CCNJL: variants seen among roughly 807,000 people sequenced by gnomAD.
CCNJL encodes the protein cyclin-J-like protein.
CCNJL carries 33 observed loss-of-function variants against 33.4 expected under a neutral mutation model. The ratio of observed to expected loss-of-function variants is 0.99; its 90% confidence interval spans 0.75 to 1.32. The LOEUF (loss-of-function observed/expected upper bound fraction) is 1.32, where lower values mean the gene tolerates loss of function less well. CCNJL is among the 40% of genes most tolerant of loss of function. The probability of loss-of-function intolerance (pLI) is 0.00; values close to 1 mark genes in which losing one functional copy is unlikely to be tolerated. For synonymous variants in CCNJL, 227 were observed against 220.9 expected, an observed-to-expected ratio of 1.03 and a Z score of -0.24; for missense variants, 512 against 499.7, an observed-to-expected ratio of 1.02 and a Z score of -0.23.
At chr5:160,256,914 T>C (rs1761089467) in intron 4 of CCNJL, among the ~76,000 whole-genome samples, 1 of 150,108 alleles carries the variant, frequency 6.7e-6, no homozygotes, top group Non-Finnish European at 1.5e-5. Context: ...CAAGACTTCA[T>C]CTCAAAAAAA....
intron 2 of CCNJL, among the ~76,000 whole-genome samples, chr5:160,282,333 GT>G (rs201342356): frequency 0.076 from 11,571 of 152,168 alleles, 1,427 homozygotes; most frequent in African/African-American, 0.26. Context: ...AGACATAAAC[GT>G]TAAGACTTAC....
chr5:160,311,836 A>G (rs751547506), intron 2 of CCNJL, 22 bp downstream of exon 2: 2 of 1,610,676 alleles, frequency 1.2e-6, no homozygotes, highest in South Asian at 2.2e-5. Flanking sequence ...CTTGAGAGTG[A>G]CAAGGGCAGG....
chr5:160,254,527 G>A (rs1760967685), intron 5 of CCNJL: 2 of 433,664 alleles, frequency 4.6e-6, no homozygotes. Flanking sequence ...GATAAAGACA[G>A]CTGCCAGCAA....
chr5:160,257,413 T>C (rs1460271263), intron 4 of CCNJL, among the ~76,000 whole-genome samples: 2 of 151,926 alleles, frequency 1.3e-5, no homozygotes, highest in Non-Finnish European at 2.9e-5. Flanking sequence ...AGGCGGAGCT[T>C]GCAGTGAGCC....
chr5:160,269,026 G>A (rs114989908), intron 3 of CCNJL, among the ~76,000 whole-genome samples: 75 of 152,388 alleles, frequency 4.9e-4, no homozygotes, highest in Middle Eastern at 6.8e-3. Flanking sequence ...ATTTCTGACA[G>A]GCTGAATCAA....
At chr5:160,299,555 G>A (rs1762859335) in intron 2 of CCNJL, among the ~76,000 whole-genome samples, 1 of 151,524 alleles carries the variant, frequency 6.6e-6, no homozygotes, top group Non-Finnish European at 1.5e-5. Flanking sequence ...GACAACAGAA[G>A]ATATTAATGA....
At chr5:160,268,808 T>G (rs1453479159) in intron 3 of CCNJL, among the ~76,000 whole-genome samples, 1 of 152,162 alleles carries the variant, frequency 6.6e-6, no homozygotes, top group Non-Finnish European at 1.5e-5. Flanking sequence ...GCTTCCAAAG[T>G]CCGCTGGGTA....
At chr5:160,318,171 C>A (rs1208646133) in intron 1 of CCNJL, among the ~76,000 whole-genome samples, 1 of 152,184 alleles carries the variant, frequency 6.6e-6, no homozygotes, top group Non-Finnish European at 1.5e-5. Context: ...CACGCACCAC[C>A]ATGCCTGGCT....
intron 1 of CCNJL, among the ~76,000 whole-genome samples, chr5:160,333,700 A>G (rs1455096053): frequency 2.6e-5 from 4 of 151,966 alleles, no homozygotes; most frequent in African/African-American, 9.7e-5. Flanking sequence ...TTGTACCAAG[A>G]GGACCAAGCG....
At chr5:160,305,713 C>A (rs1763073928) in intron 2 of CCNJL, among the ~76,000 whole-genome samples, 1 of 152,166 alleles carries the variant, frequency 6.6e-6, no homozygotes, top group Non-Finnish European at 1.5e-5. Context: ...TTGATACAAT[C>A]CGCGGTTTCA....
intron 2 of CCNJL, among the ~76,000 whole-genome samples, chr5:160,287,711 C>A (rs1368297866): frequency 3.9e-5 from 6 of 152,246 alleles, no homozygotes. Flanking sequence ...GAGCAGCCTG[C>A]CCTAGGGCGG....
chr5:160,267,356 G>T (rs1225726522), intron 3 of CCNJL, among the ~76,000 whole-genome samples: 1 of 152,118 alleles, frequency 6.6e-6, no homozygotes, highest in African/African-American at 2.4e-5. Flanking sequence ...GAGTTACCCC[G>T]ATCTCCCAGC....
chr5:160,305,411 G>A (rs1418753551), intron 2 of CCNJL, among the ~76,000 whole-genome samples: 2 of 152,162 alleles, frequency 1.3e-5, no homozygotes, highest in Non-Finnish European at 2.9e-5. Context: ...CACTTTGAGG[G>A]GAGAGGCACC....
Position 160,280,799 on chromosome 5 carries a change from T to C in CCNJL, c.67-61A>G, listed in dbSNP as rs1762185333. 2.6e-6 allele frequency: 3 copies of C among 1,152,256 alleles called. No individual in the cohort carries two copies. In the East Asian group the frequency reaches 7.7e-5, roughly 29 times the overall value. The allele number at this position is 1,152,256 out of a possible 1,614,324, so 71.4% of individuals were successfully genotyped here. ...GGCTGCCTCCTGAGAGTCTCGGCTG[T>C]CCCAGGAAATGGGACCTCAGGGCCT... On this transcript the variant is annotated intron_variant, in intron 2 of 5. Coordinates refer to ENST00000257536, the MANE Select transcript of CCNJL (RefSeq NM_001308173.3).
At chr5:160,263,155 G>A (rs1218601176) in intron 3 of CCNJL, among the ~76,000 whole-genome samples, 1 of 152,184 alleles carries the variant, frequency 6.6e-6, no homozygotes, top group Admixed American at 6.5e-5. Context: ...CTCTGTCTAG[G>A]TGTATTCTGT....
chr5:160,320,822 T>TTTCTTTCTTTCC (rs1763435332), intron 1 of CCNJL, among the ~76,000 whole-genome samples: 14 of 113,370 alleles, frequency 1.2e-4, no homozygotes, highest in African/African-American at 4.8e-4. Context: ...TCTTTCTTTC[T>TTTCTTTCTTTCC]TTCTTTCTTT....
At chr5:160,283,010 CATATATATATATATAT>C (rs1160073062) in intron 2 of CCNJL, among the ~76,000 whole-genome samples, 22 of 27,948 alleles carry the variant, frequency 7.9e-4, no homozygotes, top group East Asian at 5.5e-3. Flanking sequence ...TATATATATA[CATATATATATATATAT>C]ACCTAAGAGA....
At chr5:160,283,241 C>T (rs565313369) in intron 2 of CCNJL, among the ~76,000 whole-genome samples, 10 of 151,706 alleles carry the variant, frequency 6.6e-5, no homozygotes, top group Non-Finnish European at 1.2e-4. Context: ...AAAAGCTAGT[C>T]GTAAATGGCC....
chr5:160,300,816 T>C (rs1762898119), intron 2 of CCNJL, among the ~76,000 whole-genome samples: 1 of 152,200 alleles, frequency 6.6e-6, no homozygotes, highest in Non-Finnish European at 1.5e-5. Flanking sequence ...CATGCCACCA[T>C]GCCCGGCTCC....
Sources: gnomAD v4.1 joint callset for allele counts (sites outside exome capture counted in the v4.1 genomes callset) on GRCh38, gnomAD v4.1.1 for gene constraint, MANE v1.5 for transcripts, NCBI Gene and HGNC (gene_info 2026-07-23, HGNC 2026-07-21) for gene names.